Variants in TNK2 observed in about 807,000 individuals in gnomAD.
The protein encoded by TNK2 is tyrosine kinase non receptor 2.
TNK2 carries 83 observed loss-of-function variants against 101.8 expected under a neutral mutation model. The ratio of observed to expected loss-of-function variants is 0.82; its 90% CI spans 0.68 to 0.98. The LOEUF (loss-of-function observed/expected upper bound fraction) is 0.98, where lower values mean the gene tolerates loss of function less well. TNK2 is among the 50% of genes least tolerant of loss of function. The pLI is 0.00. For missense variants in TNK2, 1,665 were observed against 1,483.2 expected, an observed-to-expected ratio of 1.12 and a Z score of -2.01; for synonymous variants, 804 against 633.0, an observed-to-expected ratio of 1.27 and a Z score of -4.06.
chr3:195,874,381 G>A (rs2149373101), intron 9 of TNK2, among the ~76,000 whole-genome samples: 1 of 152,356 alleles, frequency 6.6e-6, no homozygotes, highest in African/African-American at 2.4e-5. Context: ...GTGCAGGTAT[G>A]GCCGAGGCAA....
intron 1 of TNK2, among the ~76,000 whole-genome samples, chr3:195,898,725 A>C (rs1415152411): frequency 6.6e-6 from 1 of 152,118 alleles, no homozygotes; most frequent in Non-Finnish European, 1.5e-5. Flanking sequence ...TCCTGGGCTC[A>C]AGTGACCCTC....
At position 195,867,380 on chromosome 3, in the gene TNK2, G is replaced by A. The variant is rs754464002; in HGVS notation, c.2918C>T (p.Pro973Leu). The change falls in exon 13 of 16, where the codon CCA becomes CTA. Residue 973 changes from proline (P) to leucine (L), a missense_variant. Around this residue, in one of 3 missense-constraint regions of TNK2, gnomAD observed 1,136 missense variants for 894.9 expected, o/e 1.27. Coordinates refer to ENST00000672887, the MANE Select transcript of TNK2 (RefSeq NM_001382273.1). ...GCTCACCATCTGGATCTTGTCTGCTGGCCGGCCCGCCTCTGGCCCATCGCC... is the reference window on the plus strand; with the variant it reads ...GCTCACCATCTGGATCTTGTCTGCTAGCCGGCCCGCCTCTGGCCCATCGCC... ...CPGDGPEAGR[P>L]ADKIQMLQAM... The A allele has an allele frequency of 1.1e-5, 17 of 1,604,880 alleles. No homozygotes were observed. The highest frequency in any genetic ancestry group is 1.4e-5 in the Non-Finnish European group (17 of 1,177,340).
chr3:195,872,793 C>G, intron 9 of TNK2: 1 of 299,256 alleles, frequency 3.3e-6, no homozygotes. Context: ...CCCAGCAGAC[C>G]TGGGACCCAA....
intron 1 of TNK2, among the ~76,000 whole-genome samples, chr3:195,902,810 C>T (rs1335504754): frequency 3.9e-5 from 6 of 151,978 alleles, no homozygotes; most frequent in Admixed American, 3.3e-4. Flanking sequence ...AGTGCAGTGG[C>T]GCAATCTCGG....
Position 195,885,409 on chromosome 3 carries a change from T to C in TNK2, c.235-376A>G. The C allele has an allele frequency of 2.2e-6, 3 of 1,337,894 alleles. No individual in the cohort carries two copies. The South Asian group carries it at 3.7e-5, about 17-fold the overall frequency. 82.9% of individuals were successfully genotyped at this position (1,337,894 alleles called of 1,614,324 possible). ...CCCGCCACCCCGCAGACTCCAGCCC[T>C]AACCCGCATCGATGGAGCCGCAGGG... On this transcript the variant is annotated intron_variant, in intron 3 of 15. Transcript: ENST00000672887. The surrounding 1 kb of genome is among the most constrained non-coding windows in gnomAD (Gnocchi z 4.7).
chr3:195,882,093 T>C lies in TNK2; in HGVS notation c.845A>G (p.Asp282Gly). Reference sequence around the variant, plus strand: ...GCGATGTTCCTGCATGACGTAATGGTCGTCATTCTGAGGTAGTGCTCGCAT... The same window carrying C: ...GCGATGTTCCTGCATGACGTAATGGCCGTCATTCTGAGGTAGTGCTCGCAT... ...GLMRALPQND[D>G]HYVMQEHRKV... Residue 282 changes from aspartate to glycine, a missense_variant, in exon 6 of 16, where the codon GAC (aspartate) becomes GGC (glycine). Transcript: ENST00000672887. The surrounding 1 kb of genome is among the most constrained non-coding windows in gnomAD (Gnocchi z 4.2). 2 of 1,613,480 alleles carry C rather than the reference T, an allele frequency of 1.2e-6. No homozygotes were observed. The highest frequency in any genetic ancestry group is 1.7e-6 in the Non-Finnish European group (2 of 1,179,810).
At chr3:195,906,428 T>C (rs1023585173) in intron 1 of TNK2, among the ~76,000 whole-genome samples, 13 of 152,256 alleles carry the variant, frequency 8.5e-5, no homozygotes, top group Non-Finnish European at 1.5e-4. Flanking sequence ...TAAACAGACT[T>C]TGGCACACGT....
intron 1 of TNK2, chr3:195,907,994 C>G (rs1003734835): frequency 3.3e-5 from 5 of 152,308 alleles, no homozygotes; most frequent in African/African-American, 1.2e-4. Context: ...CGTGCCGTAC[C>G]CAAGCCACTA....
intron 12 of TNK2, 131 bp from the exon 13 acceptor site, chr3:195,868,840 G>C (rs1183518242): frequency 2.6e-6 from 3 of 1,147,678 alleles, no homozygotes; most frequent in Non-Finnish European, 3.5e-6. Flanking sequence ...CCCGAGGTCT[G>C]AGGTCAGCCA....
At chr3:195,870,027 C>T in intron 11 of TNK2, 87 bp downstream of exon 11, 1 of 1,081,034 alleles carries the variant, frequency 9.3e-7, no homozygotes, top group African/African-American at 1.6e-5. Context: ...AAAAACAGAA[C>T]AGCAGCCTTA....
In TNK2 at chr3:195,886,837, C is replaced by A. The variant is rs1346234622; in HGVS notation, c.234+140G>T. The A allele has an allele frequency of 1.1e-6, 1 of 891,942 alleles. No individual in the cohort carries two copies. Among genetic ancestry groups the A allele is most frequent in the Non-Finnish European group, 1.8e-6 (1 of 540,620 alleles). The allele number at this position is 891,942 out of a possible 1,614,324, so 55.3% of individuals were successfully genotyped here. ...GTGCCCTGCCCGATAAGACCCTGGA[C>A]GAGGGGGTCCTGTACAAAGTGCCGG... is the stretch of plus-strand genomic sequence containing the variant. On this transcript the variant is annotated intron_variant, in intron 3 of 15. Transcript: ENST00000672887. The surrounding 1 kb of genome is among the most constrained non-coding windows in gnomAD (Gnocchi z 4.2).
At position 195,892,471 on chromosome 3, in the gene TNK2, C is replaced by G. The variant is rs562832584; in HGVS notation, c.-18-3865G>C. On this transcript the variant is annotated intron_variant, in intron 1 of 15. Transcript: ENST00000672887. ...GGAAGGAGAGCTCCAGGCCAGGGAA[C>G]CGACGTGCTGCCGGCATCTCCACGC... 24 of 1,535,630 alleles carry G rather than the reference C, an allele frequency of 1.6e-5. No individual in the cohort carries two copies. The East Asian group carries it at 5.1e-4, about 33-fold the overall frequency.
chr3:195,870,005 C>G (rs1294015801), intron 11 of TNK2, 109 bp downstream of exon 11: 1 of 864,496 alleles, frequency 1.2e-6, no homozygotes, highest in East Asian at 2.8e-5. Context: ...CTGCCCTGAC[C>G]CCACTGTCCC....
chr3:195,870,077 A>T, intron 11 of TNK2, 37 bp downstream of exon 11: 1 of 1,414,444 alleles, frequency 7.1e-7, no homozygotes, highest in Admixed American at 2.9e-5. Flanking sequence ...TGAGTAGCCG[A>T]TGAGTTAGGG....
intron 4 of TNK2, chr3:195,884,449 C>G (rs1754693509): frequency 5.4e-6 from 1 of 186,286 alleles, no homozygotes; most frequent in South Asian, 1.5e-4. Flanking sequence ...TCGAGACCAG[C>G]CTGGCCAACA....
chr3:195,907,618 C>T (rs1285119043), intron 1 of TNK2, among the ~76,000 whole-genome samples: 1 of 152,188 alleles, frequency 6.6e-6, no homozygotes, highest in Non-Finnish European at 1.5e-5. Flanking sequence ...GGGCACGAGG[C>T]GGAATGAGTA....
chr3:195,867,305 G>A lies in TNK2; in HGVS notation c.2938-41C>T, dbSNP rs757920474. The A allele has an allele frequency of 8.1e-6, 13 of 1,611,162 alleles. No individual in the cohort carries two copies. The South Asian group carries it at 1.3e-4, about 16-fold the overall frequency. On this transcript the variant is annotated intron_variant, in intron 13 of 15. Transcript: ENST00000672887. ...CCTGTCAGCACCACTAGGGCCCACTGCTCCAGGCCCCTTGGGCCCTGCCCC... is the reference window on the plus strand; with the variant it reads ...CCTGTCAGCACCACTAGGGCCCACTACTCCAGGCCCCTTGGGCCCTGCCCC...
In TNK2 at chr3:195,885,779, G is replaced by A; in HGVS notation, c.235-746C>T. 1 of 363,326 alleles carries A rather than the reference G, an allele frequency of 2.8e-6. No individual in the cohort carries two copies. The highest frequency in any genetic ancestry group is 5.3e-6 in the Non-Finnish European group (1 of 189,242). The allele number at this position is 363,326 out of a possible 1,614,324, so 22.5% of individuals were successfully genotyped here. ...AAAGGAGGCCATGAGGGTCAAAGCT[G>A]GCCACGTCGGTCTGACTCGGCCTCC... On this transcript the variant is annotated intron_variant, in intron 3 of 15. Coordinates refer to ENST00000672887, the MANE Select transcript of TNK2 (RefSeq NM_001382273.1). This position sits in a 1 kb window ranked among gnomAD's most constrained non-coding sequence, Gnocchi z 4.7.
intron 1 of TNK2, chr3:195,895,686 T>A (rs930673879): frequency 1.0e-6 from 1 of 984,470 alleles, no homozygotes; most frequent in Non-Finnish European, 1.3e-6. Flanking sequence ...TCAGCCCGCC[T>A]CCAGGGCCCC....
Sources: allele counts gnomAD v4.1 joint callset (sites outside exome capture counted in the v4.1 genomes callset), GRCh38; gene constraint gnomAD v4.1.1; regional missense constraint gnomAD v4.1.1; non-coding constraint Gnocchi (gnomAD v3.1); transcripts MANE v1.5; gene names NCBI Gene and HGNC (gene_info 2026-07-23, HGNC 2026-07-21).